L3MBTL4: variants seen among roughly 807,000 people sequenced by gnomAD.
L3MBTL4 encodes the protein L3MBTL histone methyl-lysine binding protein 4.
A neutral mutation model predicts 84.5 loss-of-function variants in L3MBTL4; 70 were observed. The observed-to-expected ratio is 0.83, with a 90% CI of 0.68 to 1.01. The LOEUF is 1.01. Among genes scored for constraint, L3MBTL4 ranks in the 50% least tolerant of loss-of-function variants. The pLI is 0.00. For synonymous variants in L3MBTL4, 274 were observed against 259.8 expected, an observed-to-expected ratio of 1.05 and a Z score of -0.52; for missense variants, 715 against 754.8, an observed-to-expected ratio of 0.95 and a Z score of 0.62.
At chr18:6,163,268 G>GGTGGGT (rs1246549913) in intron 13 of L3MBTL4, among the ~76,000 whole-genome samples, 2 of 88,994 alleles carry the variant, frequency 2.2e-5, no homozygotes, top group Admixed American at 1.3e-4. Context: ...GTGGGGGGGG[G>GGTGGGT]GTGGGTGTGT....
intron 1 of L3MBTL4, among the ~76,000 whole-genome samples, chr18:6,392,196 C>T (rs2055083580): frequency 6.6e-6 from 1 of 152,100 alleles, no homozygotes; most frequent in Non-Finnish European, 1.5e-5. Flanking sequence ...GAAATAAAGC[C>T]AAATACTTAC....
intron 1 of L3MBTL4, among the ~76,000 whole-genome samples, chr18:6,334,354 T>C (rs341189): frequency 1 from 152,168 of 152,252 alleles, 76,042 homozygotes; most frequent in Middle Eastern, 1. Flanking sequence ...TTAACACCCC[T>C]AAGGGCACAA....
chr18:6,339,096 TCC>T (rs2052483211), intron 1 of L3MBTL4, among the ~76,000 whole-genome samples: 1 of 152,084 alleles, frequency 6.6e-6, no homozygotes, highest in African/African-American at 2.4e-5. Flanking sequence ...AACAACCAGA[TCC>T]GCCCCTTCCG....
chr18:6,155,825 A>T (rs2043079759), intron 13 of L3MBTL4, among the ~76,000 whole-genome samples: 1 of 152,190 alleles, frequency 6.6e-6, no homozygotes, highest in African/African-American at 2.4e-5. Context: ...AATGAAAAAA[A>T]TCATAATCTT....
chr18:6,140,677 G>T (rs1329873461), intron 13 of L3MBTL4, among the ~76,000 whole-genome samples: 1 of 151,936 alleles, frequency 6.6e-6, no homozygotes, highest in Non-Finnish European at 1.5e-5. Flanking sequence ...CCATTCTCCA[G>T]GATCTGTAAG....
chr18:6,234,810 T>A (rs1167607923), intron 10 of L3MBTL4, among the ~76,000 whole-genome samples: 1 of 152,120 alleles, frequency 6.6e-6, no homozygotes, highest in Non-Finnish European at 1.5e-5. Context: ...AGCGATCCCA[T>A]CACTGGGTAT....
intron 4 of L3MBTL4, among the ~76,000 whole-genome samples, chr18:6,284,998 C>T (rs2049503235): frequency 6.6e-6 from 1 of 152,216 alleles, no homozygotes; most frequent in South Asian, 2.1e-4. Flanking sequence ...CTAAACAAGG[C>T]GTTGAGGGCA....
At chr18:6,331,550 T>A (rs746403281) in intron 1 of L3MBTL4, among the ~76,000 whole-genome samples, 11 of 152,074 alleles carry the variant, frequency 7.2e-5, no homozygotes, top group Non-Finnish European at 1.5e-4. Context: ...CCAACCTAAG[T>A]GTCATAAGAA....
chr18:6,025,814 C>T (rs564813916), intron 16 of L3MBTL4, among the ~76,000 whole-genome samples: 53 of 152,320 alleles, frequency 3.5e-4, no homozygotes, highest in Non-Finnish European at 6.6e-4. Context: ...CTAATGCCAT[C>T]GCTGATCTGA....
At chr18:6,182,164 A>AT (rs2044503471) in intron 12 of L3MBTL4, among the ~76,000 whole-genome samples, 1 of 152,088 alleles carries the variant, frequency 6.6e-6, no homozygotes, top group African/African-American at 2.4e-5. Flanking sequence ...AGTATCTGTT[A>AT]TTTTTTGACT....
chr18:6,187,322 A>G (rs1293080747), intron 12 of L3MBTL4, among the ~76,000 whole-genome samples: 1 of 152,204 alleles, frequency 6.6e-6, no homozygotes, highest in East Asian at 1.9e-4. Context: ...TATAATTTCA[A>G]GTGCCTACAG....
intron 15 of L3MBTL4, among the ~76,000 whole-genome samples, chr18:6,089,502 G>T (rs868322266): frequency 2.8e-4 from 43 of 152,270 alleles, no homozygotes; most frequent in Middle Eastern, 6.8e-3. Flanking sequence ...TAGAAAGTAA[G>T]ACTAAATATG....
In L3MBTL4 at chr18:6,208,007, A is replaced by T. The variant is rs536525977; in HGVS notation, c.981+5142T>A. Among the ~76,000 whole-genome samples, 8 of 152,146 alleles carry T rather than the reference A, an allele frequency of 5.3e-5. 1 individual carries two copies. The South Asian group carries it at 8.3e-4, about 16-fold the overall frequency. On this transcript the variant is annotated intron_variant, in intron 12 of 18. Transcript: ENST00000317931. ...GCGCACACTGTAGTCTCAGCTACTC[A>T]GGAGGCTGAGGTGTGAGAATTGTGT... is the stretch of plus-strand genomic sequence containing the variant.
intron 16 of L3MBTL4, among the ~76,000 whole-genome samples, chr18:5,975,227 T>C (rs2052855442): frequency 6.6e-6 from 1 of 152,212 alleles, no homozygotes; most frequent in South Asian, 2.1e-4. Flanking sequence ...ACAGTCTGCA[T>C]GACTGGGCCT....
At position 6,414,487 on chromosome 18, in the gene L3MBTL4, C is replaced by T. The variant is rs1306535797; in HGVS notation, c.-91+314G>A. On this transcript the variant is annotated intron_variant, in intron 1 of 18. Coordinates refer to ENST00000317931, the MANE Select transcript of L3MBTL4 (RefSeq NM_001330559.2). The surrounding 1 kb of genome is among the most constrained non-coding windows in gnomAD (Gnocchi z 5.4). ...GCCCAGGTAGCCGCGCCTGGCACCC[C>T]GACCCTGCCCTCGCGGCTGACCGAG... 2.6e-5 allele frequency among the ~76,000 whole-genome samples: 4 copies of T among 152,112 alleles called. No homozygotes were observed. The highest frequency in any genetic ancestry group is 1.3e-4 in the Admixed American group (2 of 15,274).
At position 6,345,262 on chromosome 18, in the gene L3MBTL4, C is replaced by T. The variant is rs1046945269; in HGVS notation, c.-90-33206G>A. On this transcript the variant is annotated intron_variant, in intron 1 of 18. Coordinates refer to ENST00000317931, the MANE Select transcript of L3MBTL4 (RefSeq NM_001330559.2). ...GAAAAAAAAAAAGAGCCGGGCATGG[C>T]AGCATGCGCCTGTAGTCCCAGCTAT... 2.0e-5 allele frequency among the ~76,000 whole-genome samples: 3 copies of T among 146,960 alleles called. No individual in the cohort carries two copies. In the East Asian group the frequency reaches 5.9e-4, roughly 29 times the overall value.
At chr18:6,144,112 C>A (rs1311305037) in intron 13 of L3MBTL4, among the ~76,000 whole-genome samples, 1 of 143,352 alleles carries the variant, frequency 7.0e-6, no homozygotes, top group African/African-American at 2.6e-5. Flanking sequence ...AAGAGAATGG[C>A]GTGAACCTGG....
intron 16 of L3MBTL4, among the ~76,000 whole-genome samples, chr18:6,051,717 A>T (rs939162786): frequency 1.3e-5 from 2 of 151,996 alleles, no homozygotes; most frequent in African/African-American, 2.4e-5. Context: ...ACCTTCCTGT[A>T]TTTGTGGGAC....
chr18:6,283,028 C>G (rs2049394958), intron 4 of L3MBTL4, among the ~76,000 whole-genome samples: 1 of 152,178 alleles, frequency 6.6e-6, no homozygotes, highest in Non-Finnish European at 1.5e-5. Flanking sequence ...CGCCTCCTCT[C>G]CAAGACCCAC....
Sources: gnomAD v4.1 joint callset for allele counts (sites outside exome capture counted in the v4.1 genomes callset) on GRCh38, gnomAD v4.1.1 for gene constraint, Gnocchi (gnomAD v3.1) non-coding constraint, MANE v1.5 for transcripts, NCBI Gene and HGNC (gene_info 2026-07-23, HGNC 2026-07-21) for gene names.